The following TWSG1 variants were observed in gnomAD, a reference collection of about 807,000 sequenced individuals.
TWSG1 encodes the protein twisted gastrulation BMP signaling modulator 1, also known as twisted gastrulation protein homolog 1.
TWSG1 carries 15 observed loss-of-function variants against 23.0 expected under a neutral mutation model. The observed-to-expected ratio is 0.65, with a 90% CI of 0.44 to 1.00. TWSG1 has a LOEUF of 1.00. Among genes scored for constraint, TWSG1 ranks in the 50% least tolerant of loss-of-function variants. The pLI is 0.00. For synonymous variants in TWSG1, 86 were observed against 92.8 expected (o/e 0.93, Z 0.42); for missense variants, 242 against 278.7 (o/e 0.87, Z 0.94).
At chr18:9,381,092 C>T (rs1458890608) in intron 3 of TWSG1, among the ~76,000 whole-genome samples, 1 of 152,212 alleles carries the variant, frequency 6.6e-6, no homozygotes, top group Non-Finnish European at 1.5e-5. Flanking sequence ...TTCTAATTTA[C>T]TCCGTATTCA....
At chr18:9,363,924 G>A (rs376071247) in intron 3 of TWSG1, among the ~76,000 whole-genome samples, 2 of 152,176 alleles carry the variant, frequency 1.3e-5, no homozygotes, top group Non-Finnish European at 2.9e-5. Context: ...CACCGCACCC[G>A]GCCATTTAAC....
intron 3 of TWSG1, among the ~76,000 whole-genome samples, chr18:9,366,119 G>A (rs892873731): frequency 9.2e-5 from 14 of 152,150 alleles, no homozygotes; most frequent in African/African-American, 3.4e-4. Flanking sequence ...ATAATTCAGT[G>A]GTGCACTGTT....
At chr18:9,361,429 G>T (rs906505909) in intron 3 of TWSG1, among the ~76,000 whole-genome samples, 1 of 152,108 alleles carries the variant, frequency 6.6e-6, no homozygotes, top group Non-Finnish European at 1.5e-5. Context: ...TAGAATTTAG[G>T]TACTCCAAAA....
chr18:9,341,666 T>C (rs1385892212), intron 2 of TWSG1, among the ~76,000 whole-genome samples: 1 of 152,218 alleles, frequency 6.6e-6, no homozygotes, highest in Non-Finnish European at 1.5e-5. Flanking sequence ...GTTTTGAGTT[T>C]ATCTCTTGGT....
intron 2 of TWSG1, among the ~76,000 whole-genome samples, chr18:9,343,617 TTCTC>T (rs2040458032): frequency 6.6e-6 from 1 of 152,076 alleles, no homozygotes; most frequent in South Asian, 2.1e-4. Flanking sequence ...GCAGTTTACT[TTCTC>T]TCTACATGCT....
chr18:9,399,665 A>C lies in TWSG1; in HGVS notation c.*138A>C, dbSNP rs2040754145. ...ACTTTGGAATAAGTTTCTTTTAAAA[A>C]TATGACATAGCCAGTGATGTGTTTA... On this transcript the variant is annotated 3_prime_UTR_variant, in exon 5 of 5. Coordinates refer to ENST00000262120, the MANE Select transcript of TWSG1 (RefSeq NM_020648.6). 5 of 738,088 alleles carry C rather than the reference A, an allele frequency of 6.8e-6. No homozygotes were observed. In the South Asian group the frequency reaches 1.0e-4, roughly 15 times the overall value. 45.7% of individuals were successfully genotyped at this position (738,088 alleles called of 1,614,324 possible). A position where few individuals can be genotyped will look rare whatever the true frequency, so the allele number is the denominator to read the frequency against.
At chr18:9,389,333 G>T (rs577451863) in intron 3 of TWSG1, among the ~76,000 whole-genome samples, 23 of 152,206 alleles carry the variant, frequency 1.5e-4, no homozygotes, top group African/African-American at 5.3e-4. Flanking sequence ...TGTATAATAT[G>T]AGCATTCTAA....
Position 9,383,994 on chromosome 18 carries a change from G to A in TWSG1, c.224-12286G>A, listed in dbSNP as rs79787225. 9.3e-3 allele frequency among the ~76,000 whole-genome samples: 1,423 copies of A among 152,272 alleles called. 14 individuals are homozygous for A. The highest frequency in any genetic ancestry group is 0.011 in the Non-Finnish European group (724 of 68,026). ...AACATTAAATAATGTGTGTTTTAAA[G>A]GAGCTGGAGTTTTCTAAAGAGAATA... On this transcript the variant is annotated intron_variant, in intron 3 of 4. Transcript: ENST00000262120.
intron 2 of TWSG1, among the ~76,000 whole-genome samples, chr18:9,344,862 C>T (rs189937436): frequency 6.6e-6 from 1 of 152,214 alleles, no homozygotes; most frequent in East Asian, 1.9e-4. Context: ...ATCCTCCTGC[C>T]TCAGCCTCCT....
chr18:9,346,274 TAGC>T (rs751582297), intron 2 of TWSG1, among the ~76,000 whole-genome samples: 27 of 152,236 alleles, frequency 1.8e-4, no homozygotes, highest in Non-Finnish European at 3.5e-4. Context: ...TTCTTTGACT[TAGC>T]AGTATACATT....
At position 9,358,389 on chromosome 18, in the gene TWSG1, C is replaced by T. The variant is rs112413836; in HGVS notation, c.124-1583C>T. Among the ~76,000 whole-genome samples, 989 of 152,168 alleles carry T rather than the reference C, an allele frequency of 6.5e-3. 15 individuals carry two copies. The highest frequency in any genetic ancestry group is 0.023 in the African/African-American group (950 of 41,484). ...AATCTTGGAAGACAATCTGATTGAC[C>T]AGCTACAGTCTGTTTTTCACCTGTG... On this transcript the variant is annotated intron_variant, in intron 2 of 4. Coordinates refer to ENST00000262120, the MANE Select transcript of TWSG1 (RefSeq NM_020648.6).
intron 2 of TWSG1, among the ~76,000 whole-genome samples, chr18:9,351,648 GTTTTTTTGT>G (rs2040502845): frequency 1.0e-5 from 1 of 97,408 alleles, no homozygotes; most frequent in African/African-American, 3.9e-5. Flanking sequence ...TTGTCTTTTT[GTTTTTTTGT>G]TTTTTGAGAC....
chr18:9,387,808 AC>A (rs1385241179), intron 3 of TWSG1, among the ~76,000 whole-genome samples: 1 of 151,260 alleles, frequency 6.6e-6, no homozygotes, highest in Non-Finnish European at 1.5e-5. Flanking sequence ...GACAGCAAAT[AC>A]GTTTTACCCC....
At chr18:9,374,659 C>A (rs2040620663) in intron 3 of TWSG1, among the ~76,000 whole-genome samples, 1 of 152,172 alleles carries the variant, frequency 6.6e-6, no homozygotes, top group African/African-American at 2.4e-5. Flanking sequence ...AGAGAGAATT[C>A]TTCCCAACTC....
At chr18:9,347,730 C>T (rs1158121372) in intron 2 of TWSG1, among the ~76,000 whole-genome samples, 1 of 152,044 alleles carries the variant, frequency 6.6e-6, no homozygotes, top group Admixed American at 6.5e-5. Flanking sequence ...CCTTTGGACT[C>T]TTTCTATTGA....
chr18:9,380,453 G>A (rs1001915798), intron 3 of TWSG1, among the ~76,000 whole-genome samples: 3 of 152,196 alleles, frequency 2.0e-5, no homozygotes, highest in African/African-American at 7.2e-5. Flanking sequence ...GAAGATGAAG[G>A]TGAAGGTGGT....
chr18:9,390,561 A>C (rs995260335), intron 3 of TWSG1, among the ~76,000 whole-genome samples: 1 of 152,072 alleles, frequency 6.6e-6, no homozygotes, highest in Non-Finnish European at 1.5e-5. Context: ...AGTCCCCCAA[A>C]GTGCTGAGAT....
intron 3 of TWSG1, among the ~76,000 whole-genome samples, chr18:9,364,569 G>T (rs1379060491): frequency 1.3e-5 from 2 of 152,044 alleles, no homozygotes; most frequent in South Asian, 2.1e-4. Context: ...AAGAGGGGGC[G>T]AATCACCTTA....
intron 2 of TWSG1, among the ~76,000 whole-genome samples, chr18:9,341,602 T>TCATA (rs1251291942): frequency 6.6e-6 from 1 of 152,150 alleles, no homozygotes; most frequent in Non-Finnish European, 1.5e-5. Context: ...ACAGATAAGG[T>TCATA]CATAGCTCAT....
Sources: allele counts gnomAD v4.1 joint callset (sites outside exome capture counted in the v4.1 genomes callset), GRCh38; gene constraint gnomAD v4.1.1; transcripts MANE v1.5; gene names NCBI Gene and HGNC (gene_info 2026-07-23, HGNC 2026-07-21).